The following STK32B variants were observed in gnomAD, a reference collection of about 807,000 sequenced individuals.
STK32B encodes serine/threonine-protein kinase 32B.
A neutral mutation model predicts 52.6 loss-of-function variants in STK32B; 43 were observed. The observed-to-expected ratio is 0.82, with a 90% confidence interval of 0.64 to 1.05. The LOEUF is 1.05. Among genes scored for constraint, STK32B ranks in the 50% least tolerant of loss-of-function variants. STK32B has a pLI of 0.00. For missense variants in STK32B, 621 were observed against 534.6 expected (o/e 1.16, Z -1.59); for synonymous variants, 238 against 204.3 (o/e 1.17, Z -1.41).
At chr4:5,285,698 T>A (rs1728500198) in intron 3 of STK32B, among the ~76,000 whole-genome samples, 1 of 152,082 alleles carries the variant, frequency 6.6e-6, no homozygotes, top group Non-Finnish European at 1.5e-5. Context: ...GGTGAGAGAT[T>A]TTTAACTCAC....
intron 3 of STK32B, among the ~76,000 whole-genome samples, chr4:5,292,910 C>G (rs1728977523): frequency 6.6e-6 from 1 of 151,620 alleles, no homozygotes; most frequent in Non-Finnish European, 1.5e-5. Context: ...TGCATGCATT[C>G]AGTATTTCTC....
the STK32B span, among the ~76,000 whole-genome samples, chr4:5,030,643 G>A: frequency 6.6e-6 from 1 of 152,194 alleles, no homozygotes; most frequent in Non-Finnish European, 1.5e-5. Context: ...AGGAACCAGA[G>A]GGTGGGAAGT....
At chr4:5,474,097 G>C (rs772566919) in intron 11 of STK32B, among the ~76,000 whole-genome samples, 26 of 152,116 alleles carry the variant, frequency 1.7e-4, no homozygotes, top group Non-Finnish European at 3.1e-4. Context: ...CTGGGAGACA[G>C]AGCGAGACTC....
intron 6 of STK32B, among the ~76,000 whole-genome samples, chr4:5,422,050 G>A (rs1712690874): frequency 6.6e-6 from 1 of 152,218 alleles, no homozygotes; most frequent in South Asian, 2.1e-4. Flanking sequence ...TGTCCCAGCT[G>A]TATGTGAGAG....
chr4:5,335,992 GT>G (rs1327144927), intron 4 of STK32B, among the ~76,000 whole-genome samples: 1 of 151,374 alleles, frequency 6.6e-6, no homozygotes, highest in African/African-American at 2.4e-5. Context: ...GCAGAGCCAG[GT>G]GGTTGCCCCC....
chr4:5,489,402 T>G (rs1719504701), intron 11 of STK32B, among the ~76,000 whole-genome samples: 1 of 152,190 alleles, frequency 6.6e-6, no homozygotes, highest in Non-Finnish European at 1.5e-5. Context: ...ATGGCTGTTT[T>G]GATTAAATTA....
At position 5,172,791 on chromosome 4, in the gene STK32B, C is replaced by T. The variant is rs183261264; in HGVS notation, c.260+4341C>T. ...TTCTCTTTTTTGGTTGTGTCTCTGC[C>T]AGGCTTTGGTATCAGGATGATACTG... On this transcript the variant is annotated intron_variant, in intron 3 of 11. Coordinates refer to ENST00000282908, the MANE Select transcript of STK32B (RefSeq NM_018401.3). Among the ~76,000 whole-genome samples, 1,331 of 152,214 alleles carry T rather than the reference C, an allele frequency of 8.7e-3. 10 individuals carry two copies. Among genetic ancestry groups the T allele is most frequent in the Middle Eastern group, 0.017 (5 of 294 alleles).
At chr4:5,240,357 T>C (rs1256855749) in intron 3 of STK32B, among the ~76,000 whole-genome samples, 2 of 152,264 alleles carry the variant, frequency 1.3e-5, no homozygotes, top group African/African-American at 4.8e-5. Context: ...ATTAATCTTT[T>C]GTCAGTTAGA....
At chr4:5,085,011 G>A (rs1712641504) in intron 1 of STK32B, among the ~76,000 whole-genome samples, 1 of 152,174 alleles carries the variant, frequency 6.6e-6, no homozygotes, top group Admixed American at 6.5e-5. Context: ...GTTATTAACT[G>A]TGCTTTAACT....
intron 2 of STK32B, among the ~76,000 whole-genome samples, chr4:5,153,114 G>A (rs936385433): frequency 1.1e-4 from 16 of 152,198 alleles, no homozygotes; most frequent in Non-Finnish European, 7.3e-5. Flanking sequence ...AGATACAGAA[G>A]TGACGTTGAA....
intron 4 of STK32B, among the ~76,000 whole-genome samples, chr4:5,393,710 T>C (rs1466978758): frequency 6.6e-6 from 1 of 152,106 alleles, no homozygotes; most frequent in African/African-American, 2.4e-5. Context: ...ACCACCCCCA[T>C]GATCCAATCA....
chr4:5,037,803 T>C, the STK32B span, among the ~76,000 whole-genome samples: 1 of 152,232 alleles, frequency 6.6e-6, no homozygotes, highest in Non-Finnish European at 1.5e-5. Context: ...ACACTGCTTT[T>C]ATTTACCACT....
intron 11 of STK32B, among the ~76,000 whole-genome samples, chr4:5,482,404 T>G (rs538240116): frequency 6.6e-6 from 1 of 152,010 alleles, no homozygotes; most frequent in African/African-American, 2.4e-5. Flanking sequence ...ATTGGTGTAT[T>G]AGAATGCTTG....
At chr4:5,175,323 C>T (rs1392061842) in intron 3 of STK32B, among the ~76,000 whole-genome samples, 1 of 152,184 alleles carries the variant, frequency 6.6e-6, no homozygotes, top group Non-Finnish European at 1.5e-5. Flanking sequence ...ATTCTCTGTC[C>T]AGCTTTGTTC....
intron 5 of STK32B, among the ~76,000 whole-genome samples, chr4:5,403,592 C>T (rs1737459565): frequency 6.6e-6 from 1 of 152,180 alleles, no homozygotes; most frequent in Non-Finnish European, 1.5e-5. Flanking sequence ...TTTTATAACA[C>T]TCATTAACTG....
At chr4:5,478,783 C>T (rs1205285155) in intron 11 of STK32B, among the ~76,000 whole-genome samples, 1 of 152,184 alleles carries the variant, frequency 6.6e-6, no homozygotes, top group Non-Finnish European at 1.5e-5. Flanking sequence ...GATGGAGAGC[C>T]TCAATCACCG....
chr4:5,078,609 T>G (rs1712223511), intron 1 of STK32B, among the ~76,000 whole-genome samples: 1 of 152,156 alleles, frequency 6.6e-6, no homozygotes, highest in Non-Finnish European at 1.5e-5. Context: ...CCTGGTGGCA[T>G]TTGTTCACTC....
chr4:5,396,551 C>T lies in STK32B; in HGVS notation c.435-1656C>T, dbSNP rs183818523. On this transcript the variant is annotated intron_variant, in intron 4 of 11. Transcript: ENST00000282908. This position sits in a 1 kb window ranked among gnomAD's most constrained non-coding sequence, Gnocchi z 4.7. ...TCACATCTTCTTGGGTCTGTCACCC[C>T]ACCCTCACCTCACCTGTGTCCTGAC... 2.8e-4 allele frequency among the ~76,000 whole-genome samples: 42 copies of T among 152,264 alleles called. No homozygotes were observed. The highest frequency in any genetic ancestry group is 1.0e-3 in the African/African-American group (42 of 41,556).
rs1720631338 is a variant in STK32B, at chr4:5,500,357, T to TGAC, written c.*1275_*1277dup. The TGAC allele has an allele frequency of 6.6e-6, 1 of 152,216 alleles. No homozygotes were observed. The highest frequency in any genetic ancestry group is 2.4e-5 in the African/African-American group (1 of 41,452). The allele number at this position is 152,216 out of a possible 1,614,324, so 9.4% of individuals were successfully genotyped here. ...CCTGTGTGTAACCCCAAGCATTGGA[T>TGAC]GACTCATAGAATGGCCTTTTTTGTC... On this transcript the variant is annotated 3_prime_UTR_variant, in exon 12 of 12. Coordinates refer to ENST00000282908, the MANE Select transcript of STK32B (RefSeq NM_018401.3).
Sources: gnomAD v4.1 joint callset for allele counts (sites outside exome capture counted in the v4.1 genomes callset) on GRCh38, gnomAD v4.1.1 for gene constraint, Gnocchi (gnomAD v3.1) non-coding constraint, MANE v1.5 for transcripts, NCBI Gene and HGNC (gene_info 2026-07-23, HGNC 2026-07-21) for gene names.